Variants in SMPDL3B observed in about 807,000 individuals in gnomAD.
The protein encoded by SMPDL3B is sphingomyelin phosphodiesterase acid like 3B, also known as acid sphingomyelinase-like phosphodiesterase 3b.
Under a neutral mutation model 37.9 loss-of-function variants are expected in SMPDL3B, and 31 were observed. The ratio of observed to expected loss-of-function variants is 0.82; its 90% CI spans 0.61 to 1.10. The LOEUF is 1.10. Ranked by LOEUF, SMPDL3B falls within the 50% of genes least tolerant of loss-of-function variation. The pLI is 0.00. For synonymous variants in SMPDL3B, 235 were observed against 242.6 expected, an observed-to-expected ratio of 0.97 and a Z score of 0.29; for missense variants, 525 against 597.8, an observed-to-expected ratio of 0.88 and a Z score of 1.27.
At chr1:27,949,469 G>T (rs1185546429) in intron 3 of SMPDL3B, among the ~76,000 whole-genome samples, 1 of 152,192 alleles carries the variant, frequency 6.6e-6, no homozygotes, top group Non-Finnish European at 1.5e-5. Context: ...GTTGCACACA[G>T]GTGTCGTCCC....
Position 27,949,176 on chromosome 1 carries a change from A to G in SMPDL3B, c.373+14A>G. The stretch of plus-strand genomic sequence containing the variant: ...AGGTCTTTCCAGGTAAGACTGTGCC[A>G]TCAGTCCCTCCACAGTGTTCTCGGA... On this transcript the variant is annotated intron_variant, in intron 3 of 7. Coordinates refer to ENST00000373894, the MANE Select transcript of SMPDL3B (RefSeq NM_014474.4). 6.2e-7 allele frequency: 1 copy of G among 1,613,852 alleles called. No homozygotes were observed. Among genetic ancestry groups the G allele is most frequent in the Non-Finnish European group, 8.5e-7 (1 of 1,179,756 alleles).
chr1:27,956,022 T>G lies in SMPDL3B; in HGVS notation c.945T>G (p.Asn315Lys), dbSNP rs201223472. 70 of 1,614,042 alleles carry G rather than the reference T, an allele frequency of 4.3e-5. 1 individual carries two copies. In the South Asian group the frequency reaches 5.3e-4, roughly 12 times the overall value. Residue 315 changes from asparagine to lysine, a missense_variant, in exon 7 of 8, where the codon AAT (asparagine) becomes AAG (lysine). Asn to Lys is a moderately conservative substitution (Grantham distance 94, BLOSUM62 0). Transcript: ENST00000373894. ...PWKTTLPGVV[N>K]GANNPAIRVF... The stretch of plus-strand genomic sequence containing the variant: ...AAACCACATTACCTGGAGTGGTCAA[T>G]GGGGCCAACAATCCAGCCATCCGGG...
chr1:27,947,194 G>A (rs1055171813), intron 2 of SMPDL3B, among the ~76,000 whole-genome samples: 3 of 151,762 alleles, frequency 2.0e-5, no homozygotes, highest in African/African-American at 4.8e-5. Context: ...GCGCCACCAC[G>A]CCCGGCTAAT....
At chr1:27,951,290 T>C (rs1398452535) in intron 3 of SMPDL3B, among the ~76,000 whole-genome samples, 1 of 152,046 alleles carries the variant, frequency 6.6e-6, no homozygotes, top group Non-Finnish European at 1.5e-5. Context: ...AGAGATGAAA[T>C]GAAGGTATTA....
intron 5 of SMPDL3B, among the ~76,000 whole-genome samples, chr1:27,954,872 G>T (rs1316519861): frequency 6.6e-6 from 1 of 152,198 alleles, no homozygotes; most frequent in East Asian, 1.9e-4. Context: ...ATCTCCAGGG[G>T]ATGCCCTGCC....
Position 27,958,865 on chromosome 1 carries a change from A to G in SMPDL3B, c.*27A>G, listed in dbSNP as rs1638387982. The G allele has an allele frequency of 1.3e-6, 2 of 1,532,602 alleles. No individual in the cohort carries two copies. Among genetic ancestry groups the G allele is most frequent in the East Asian group, 4.7e-5 (2 of 42,316 alleles). 94.9% of individuals were successfully genotyped at this position (1,532,602 alleles called of 1,614,324 possible). ...CTGCCAGGCTCACCTTCTTCCTGGTAACGGGTAACGGGGGCAGCGCCCAGG... is the reference window on the plus strand; with the variant it reads ...CTGCCAGGCTCACCTTCTTCCTGGTGACGGGTAACGGGGGCAGCGCCCAGG... On this transcript the variant is annotated 3_prime_UTR_variant, in exon 8 of 8. Coordinates refer to ENST00000373894, the MANE Select transcript of SMPDL3B (RefSeq NM_014474.4). The surrounding 1 kb of genome is among the most constrained non-coding windows in gnomAD (Gnocchi z 5.6).
intron 2 of SMPDL3B, among the ~76,000 whole-genome samples, chr1:27,946,362 AAAAG>A (rs2090407119): frequency 6.6e-6 from 1 of 151,914 alleles, no homozygotes; most frequent in Admixed American, 6.6e-5. Flanking sequence ...TCAAAAAAAA[AAAAG>A]AAAGAAAAAG....
chr1:27,947,967 G>A (rs1052331298), intron 2 of SMPDL3B, among the ~76,000 whole-genome samples: 8 of 151,960 alleles, frequency 5.3e-5, no homozygotes, highest in South Asian at 2.1e-4. Flanking sequence ...TTGGGTTTCC[G>A]GCCTGTCCCC....
Position 27,956,026 on chromosome 1 carries a change from G to A in SMPDL3B, c.949G>A (p.Ala317Thr). ...CACATTACCTGGAGTGGTCAATGGGGCCAACAATCCAGCCATCCGGGTGTT... is the reference window on the plus strand; with the variant it reads ...CACATTACCTGGAGTGGTCAATGGGACCAACAATCCAGCCATCCGGGTGTT... ...KTTLPGVVNG[A>T]NNPAIRVFEY... The change falls in exon 7 of 8, where the codon GCC becomes ACC. Residue 317 changes from alanine to threonine, a missense_variant. Coordinates refer to ENST00000373894, the MANE Select transcript of SMPDL3B (RefSeq NM_014474.4). 1 of 1,614,114 alleles carries A rather than the reference G, an allele frequency of 6.2e-7. No homozygotes were observed. Among genetic ancestry groups the A allele is most frequent in the Non-Finnish European group, 8.5e-7 (1 of 1,180,012 alleles).
chr1:27,955,004 T>G (rs2090487980), intron 5 of SMPDL3B, among the ~76,000 whole-genome samples: 1 of 152,242 alleles, frequency 6.6e-6, no homozygotes, highest in Non-Finnish European at 1.5e-5. Flanking sequence ...CTGGTGCCCA[T>G]GAGCATGCAC....
intron 2 of SMPDL3B, among the ~76,000 whole-genome samples, chr1:27,947,732 C>G (rs866477890): frequency 1.3e-4 from 19 of 150,934 alleles, no homozygotes; most frequent in South Asian, 6.3e-4. Flanking sequence ...ACTGGTGCCC[C>G]CTACCACGCC....
intron 1 of SMPDL3B, among the ~76,000 whole-genome samples, chr1:27,944,552 G>A (rs897114551): frequency 1.3e-4 from 20 of 151,664 alleles, no homozygotes; most frequent in African/African-American, 4.6e-4. Flanking sequence ...GATGAGGTCC[G>A]CCTATGTAGC....
intron 7 of SMPDL3B, chr1:27,956,475 C>T (rs998034077): frequency 2.2e-5 from 26 of 1,197,732 alleles, no homozygotes; most frequent in Non-Finnish European, 2.4e-5. Context: ...TCTCCTTGAC[C>T]TAGTACTCAA....
chr1:27,949,085 CCG>C lies in SMPDL3B; in HGVS notation c.297_298del (p.Asp100Ter). 1.2e-6 allele frequency: 2 copies of C among 1,614,236 alleles called. No homozygotes were observed. The highest frequency in any genetic ancestry group is 2.2e-5 in the South Asian group (2 of 91,088). ...TGTAGTGATGACACGCCTCATGTGC[CCG>C]ATGAGAAACTGGGAGAGGCAGCTGT... is the stretch of plus-strand genomic sequence containing the variant. On this transcript the variant is annotated frameshift_variant, in exon 3 of 8. Transcript: ENST00000373894. LOFTEE classifies it high-confidence loss of function.
chr1:27,956,167 C>A (rs1161229352), intron 7 of SMPDL3B, 85 bp downstream of exon 7: 1 of 1,612,746 alleles, frequency 6.2e-7, no homozygotes, highest in African/African-American at 1.3e-5. Flanking sequence ...GCTTATCCAC[C>A]TTCCCCTGAC....
chr1:27,939,104 T>A (rs545125551), intron 1 of SMPDL3B: 1 of 152,228 alleles, frequency 6.6e-6, no homozygotes, highest in Admixed American at 6.5e-5. Context: ...CATCTTAGGA[T>A]GCATTTCATA....
rs1209231546 is a variant in SMPDL3B, at chr1:27,945,977, A to G, written c.275+532A>G. On this transcript the variant is annotated intron_variant, in intron 2 of 7. Coordinates refer to ENST00000373894, the MANE Select transcript of SMPDL3B (RefSeq NM_014474.4). The surrounding 1 kb of genome is among the most constrained non-coding windows in gnomAD (Gnocchi z 4.0). ...GAGGGCCGATCCCACTCAGCCGCAG[A>G]GACCCAGTTTCTGCTTCCTGTCCAA... 2.6e-5 allele frequency among the ~76,000 whole-genome samples: 4 copies of G among 152,184 alleles called. No individual in the cohort carries two copies. The highest frequency in any genetic ancestry group is 5.9e-5 in the Non-Finnish European group (4 of 68,032).
intron 1 of SMPDL3B, among the ~76,000 whole-genome samples, chr1:27,943,845 CAAATACA>C (rs2090380791): frequency 6.7e-6 from 1 of 148,858 alleles, no homozygotes; most frequent in Non-Finnish European, 1.5e-5. Context: ...ACTAAAAATA[CAAATACA>C]AAAAAAAAAA....
intron 2 of SMPDL3B, among the ~76,000 whole-genome samples, chr1:27,947,038 A>ATT (rs35543061): frequency 0.34 from 48,826 of 141,912 alleles, 8,837 homozygotes; most frequent in South Asian, 0.58. Context: ...ACAGATGCAC[A>ATT]TTTTTTTTTT....
Sources: allele counts gnomAD v4.1 joint callset (sites outside exome capture counted in the v4.1 genomes callset), GRCh38; gene constraint gnomAD v4.1.1; non-coding constraint Gnocchi (gnomAD v3.1); transcripts MANE v1.5; gene names NCBI Gene and HGNC (gene_info 2026-07-23, HGNC 2026-07-21).